Variants in CNOT1 observed in about 807,000 individuals in gnomAD.
The protein encoded by CNOT1 is CCR4-associated factor 1.
A neutral mutation model predicts 273.8 loss-of-function variants in CNOT1; 15 were observed. The ratio of observed to expected loss-of-function variants is 0.05; its 90% confidence interval spans 0.04 to 0.08. The LOEUF is 0.08. Among genes scored for constraint, CNOT1 ranks in the 10% least tolerant of loss-of-function variants. The pLI is 1.00. For synonymous variants in CNOT1, 1,022 were observed against 1,005.5 expected (o/e 1.02, Z -0.31); for missense variants, 1,644 against 2,912.2 (o/e 0.56, Z 10.02).
intron 2 of CNOT1, among the ~76,000 whole-genome samples, chr16:58,592,628 C>T (rs2042103072): frequency 6.6e-6 from 1 of 152,062 alleles, no homozygotes; most frequent in African/African-American, 2.4e-5. Context: ...TCCTTCTTAC[C>T]ACCTCTAAAA....
chr16:58,546,587 T>TC, intron 28 of CNOT1, 85 bp downstream of exon 28: 1 of 1,608,122 alleles, frequency 6.2e-7, no homozygotes, highest in Non-Finnish European at 8.5e-7. Context: ...TTATAGTACT[T>TC]CCCCCGAAAT....
Position 58,535,995 on chromosome 16 carries a change from A to T in CNOT1, c.5646+994T>A, listed in dbSNP as rs936667120. Among the ~76,000 whole-genome samples, 15 of 152,280 alleles carry T rather than the reference A, an allele frequency of 9.9e-5. 1 individual carries two copies. Among genetic ancestry groups the T allele is most frequent in the Middle Eastern group, 3.4e-3 (1 of 294 alleles). On this transcript the variant is annotated intron_variant, in intron 39 of 48. Coordinates refer to ENST00000317147, the MANE Select transcript of CNOT1 (RefSeq NM_016284.5). ...GTGATCCGCCTGCCTCGGCCTCCCAAAGTGCTGGGATTACAGGCGTGAGCC... is the reference window on the plus strand; with the variant it reads ...GTGATCCGCCTGCCTCGGCCTCCCATAGTGCTGGGATTACAGGCGTGAGCC...
Position 58,614,866 on chromosome 16 carries a change from C to T in CNOT1, c.-175+14862G>A, listed in dbSNP as rs577114465. Among the ~76,000 whole-genome samples, 4 of 123,100 alleles carry T rather than the reference C, an allele frequency of 3.2e-5. No homozygotes were observed. In the East Asian group the frequency reaches 5.9e-4, roughly 18 times the overall value. The allele number at this position is 123,100 out of a possible 152,430, so 80.8% of individuals were successfully genotyped here. On this transcript the variant is annotated intron_variant, in intron 1 of 48. Transcript: ENST00000317147. ...CTGGGACCACAGGCATATGCCACTACGTCTAATTTTTTGTACTTTTATTAG... is the reference window on the plus strand; with the variant it reads ...CTGGGACCACAGGCATATGCCACTATGTCTAATTTTTTGTACTTTTATTAG...
Position 58,578,680 on chromosome 16 carries a change from G to A in CNOT1, c.1584+19C>T. The A allele has an allele frequency of 6.2e-7, 1 of 1,610,032 alleles. No homozygotes were observed. The highest frequency in any genetic ancestry group is 8.5e-7 in the Non-Finnish European group (1 of 1,176,910). ...AATTATTCAGATGAAAAAATGGTAA[G>A]CACACGGTCACATCTTACCTGCCCA... On this transcript the variant is annotated intron_variant, in intron 13 of 48. Transcript: ENST00000317147.
rs749802405 is a variant in CNOT1, at chr16:58,547,154, T to C, written c.3750+32A>G. On this transcript the variant is annotated intron_variant, in intron 27 of 48. Transcript: ENST00000317147. This position sits in a 1 kb window ranked among gnomAD's most constrained non-coding sequence, Gnocchi z 4.0. The stretch of plus-strand genomic sequence containing the variant: ...CTAAAACAAAGCAATGCTTAGAAAT[T>C]AGTCATAAATAAAATATTAAAATCT... 4 of 1,593,578 alleles carry C rather than the reference T, an allele frequency of 2.5e-6. No homozygotes were observed. Among genetic ancestry groups the C allele is most frequent in the African/African-American group, 2.7e-5 (2 of 74,012 alleles).
At position 58,587,106 on chromosome 16, in the gene CNOT1, T is replaced by C. The variant is rs35860581; in HGVS notation, c.433+95A>G. 96,733 of 1,466,850 alleles carry C rather than the reference T, an allele frequency of 0.066. 3,600 individuals are homozygous for C. The highest frequency in any genetic ancestry group is 0.11 in the Middle Eastern group (483 of 4,314). The allele number at this position is 1,466,850 out of a possible 1,614,324, so 90.9% of individuals were successfully genotyped here. A position where few individuals can be genotyped will look rare whatever the true frequency, so the allele number is the denominator to read the frequency against. ...ATAAAGAGAAATTAATTTCAGATTA[T>C]CTTACTCTCTAAGTCTAAATCACAG... On this transcript the variant is annotated intron_variant, in intron 6 of 48. Coordinates refer to ENST00000317147, the MANE Select transcript of CNOT1 (RefSeq NM_016284.5).
At chr16:58,577,065 A>T (rs2041478419) in intron 13 of CNOT1, among the ~76,000 whole-genome samples, 2 of 147,838 alleles carry the variant, frequency 1.4e-5, no homozygotes, top group African/African-American at 5.0e-5. Flanking sequence ...CACAAACAAG[A>T]ATCTTTGATT....
intron 11 of CNOT1, 90 bp from the exon 12 acceptor site, chr16:58,580,850 G>C (rs927890064): frequency 8.0e-7 from 1 of 1,242,352 alleles, no homozygotes; most frequent in Non-Finnish European, 1.1e-6. Flanking sequence ...TCAATCTTAA[G>C]GTTATTAGCA....
intron 1 of CNOT1, among the ~76,000 whole-genome samples, chr16:58,611,787 C>T (rs1319838082): frequency 6.6e-6 from 1 of 150,948 alleles, no homozygotes; most frequent in Non-Finnish European, 1.5e-5. Flanking sequence ...CGCCACTGCA[C>T]TCCAGCCTGG....
At chr16:58,522,012 T>C (rs1354462864) in intron 47 of CNOT1, among the ~76,000 whole-genome samples, 1 of 150,272 alleles carries the variant, frequency 6.7e-6, no homozygotes, top group Non-Finnish European at 1.5e-5. Context: ...AAACAGAAAA[T>C]AAGAATTAAG....
At chr16:58,536,168 G>A (rs1325481267) in intron 39 of CNOT1, among the ~76,000 whole-genome samples, 3 of 152,098 alleles carry the variant, frequency 2.0e-5, no homozygotes, top group African/African-American at 7.2e-5. Flanking sequence ...GGTTCAGTTT[G>A]AAGAAATATA....
intron 8 of CNOT1, among the ~76,000 whole-genome samples, chr16:58,583,500 AC>A (rs2151977357): frequency 6.6e-6 from 1 of 152,256 alleles, no homozygotes; most frequent in East Asian, 1.9e-4. Flanking sequence ...GGGCTCCCAA[AC>A]CCCCTGCCAT....
At position 58,580,579 on chromosome 16, in the gene CNOT1, A is replaced by G; in HGVS notation, c.1343+54T>C. ...GTACTTGGCTTACTATTAACTTTAT[A>G]TTTCACAAAATAAGAAGTAATCTTT... On this transcript the variant is annotated intron_variant, in intron 12 of 48. Coordinates refer to ENST00000317147, the MANE Select transcript of CNOT1 (RefSeq NM_016284.5). 1.9e-6 allele frequency: 3 copies of G among 1,576,088 alleles called. No homozygotes were observed. In the South Asian group the frequency reaches 3.6e-5, roughly 19 times the overall value.
intron 30 of CNOT1, 117 bp from the exon 31 acceptor site, chr16:58,544,020 A>G: frequency 7.0e-7 from 1 of 1,432,476 alleles, no homozygotes; most frequent in Non-Finnish European, 9.1e-7. Flanking sequence ...ACCAGTTTCT[A>G]CTTAAAGTTA....
chr16:58,549,702 T>C lies in CNOT1; in HGVS notation c.3522+17A>G, dbSNP rs2040392294. The stretch of plus-strand genomic sequence containing the variant: ...TTCAAAGCAATAATTAAAGGAAATA[T>C]AAGAACCAACTCTTACTTTAATGTT... On this transcript the variant is annotated intron_variant, in intron 25 of 48. Transcript: ENST00000317147. 1 of 1,575,664 alleles carries C rather than the reference T, an allele frequency of 6.3e-7. No homozygotes were observed. The highest frequency in any genetic ancestry group is 8.6e-7 in the Non-Finnish European group (1 of 1,167,100).
intron 46 of CNOT1, among the ~76,000 whole-genome samples, chr16:58,524,393 G>A (rs557495475): frequency 2.0e-5 from 3 of 151,764 alleles, no homozygotes; most frequent in African/African-American, 7.3e-5. Context: ...GTTTGCCTCT[G>A]CTTGACATTA....
chr16:58,524,105 C>G (rs1243431867), intron 46 of CNOT1, among the ~76,000 whole-genome samples: 2 of 152,056 alleles, frequency 1.3e-5, no homozygotes, highest in Non-Finnish European at 1.5e-5. Flanking sequence ...TAAAAATTAG[C>G]TGGGCATGGT....
At chr16:58,579,599 C>T (rs989399673) in intron 12 of CNOT1, among the ~76,000 whole-genome samples, 1 of 151,874 alleles carries the variant, frequency 6.6e-6, no homozygotes, top group Non-Finnish European at 1.5e-5. Flanking sequence ...AAGAACACAC[C>T]ACCACCAAAA....
intron 1 of CNOT1, among the ~76,000 whole-genome samples, chr16:58,611,050 T>C (rs2152033704): frequency 6.6e-6 from 1 of 151,372 alleles, no homozygotes; most frequent in East Asian, 2.0e-4. Context: ...ATAAATAAAT[T>C]TAAAAAATGC....
Sources: gnomAD v4.1 joint callset for allele counts (sites outside exome capture counted in the v4.1 genomes callset) on GRCh38, gnomAD v4.1.1 for gene constraint, Gnocchi (gnomAD v3.1) non-coding constraint, MANE v1.5 for transcripts, NCBI Gene and HGNC (gene_info 2026-07-23, HGNC 2026-07-21) for gene names.